Variants in IL15 observed in about 807,000 individuals in gnomAD.
IL15 encodes the protein interleukin-15.
In IL15, 11 loss-of-function variants were observed where a neutral mutation model predicts 19.6. That is an observed-to-expected ratio of 0.56 (90% CI 0.35 to 0.93). The LOEUF (loss-of-function observed/expected upper bound fraction) is 0.93. IL15 is among the 40% of genes least tolerant of loss of function. The pLI is 0.01. For synonymous variants in IL15, 58 were observed against 59.6 expected, an observed-to-expected ratio of 0.97 and a Z score of 0.12; for missense variants, 197 against 186.5, an observed-to-expected ratio of 1.06 and a Z score of -0.33.
rs550337744 is a variant in IL15, at chr4:141,641,041, TCTC to T, written c.-222+4296_-222+4298del. Among the ~76,000 whole-genome samples, 790 of 152,238 alleles carry T rather than the reference TCTC, an allele frequency of 5.2e-3. 14 individuals are homozygous for T. The highest frequency in any genetic ancestry group is 0.018 in the African/African-American group (765 of 41,536). On this transcript the variant is annotated intron_variant, in intron 1 of 7. Coordinates refer to ENST00000320650, the MANE Select transcript of IL15 (RefSeq NM_000585.5). The stretch of plus-strand genomic sequence containing the variant: ...GTCCCTTATATCACTGAATGCTACT[TCTC>T]CTTCCTGGGTATTTTGCTTATGTGC...
At chr4:141,675,669 A>G (rs1360213253) in intron 2 of IL15, among the ~76,000 whole-genome samples, 1 of 152,234 alleles carries the variant, frequency 6.6e-6, no homozygotes, top group Admixed American at 6.5e-5. Context: ...TGACATTACA[A>G]GAAAAAGTTG....
rs953565922 is a variant in IL15 at position 141,704,705 on chromosome 4, G to T, written c.-99-14661G>T. ...CTTTGATGATGGAAGACTTATTAGTGATAATAATAAATAATAATTTATATT... is the reference window on the plus strand; with the variant it reads ...CTTTGATGATGGAAGACTTATTAGTTATAATAATAAATAATAATTTATATT... On this transcript the variant is annotated intron_variant, in intron 2 of 7. Coordinates refer to ENST00000320650, the MANE Select transcript of IL15 (RefSeq NM_000585.5). The T allele has an allele frequency of 3.0e-5, 6 of 203,084 alleles. No individual in the cohort carries two copies. In the South Asian group the frequency reaches 4.7e-4, roughly 16 times the overall value. The allele number at this position is 203,084 out of a possible 1,614,324, so 12.6% of individuals were successfully genotyped here.
intron 1 of IL15, among the ~76,000 whole-genome samples, chr4:141,653,063 C>CA (rs1386447637): frequency 2.6e-5 from 4 of 151,944 alleles, no homozygotes; most frequent in Non-Finnish European, 5.9e-5. Context: ...AGACTGGTGT[C>CA]AAAAAATGGC....
At chr4:141,732,601 T>C in intron 7 of IL15, 137 bp from the exon 8 acceptor site, 4 of 1,115,024 alleles carry the variant, frequency 3.6e-6, no homozygotes, top group Non-Finnish European at 5.0e-6. Context: ...TTCTTCCTAA[T>C]ATGCTATTTA....
At chr4:141,706,623 G>A (rs750528986) in intron 2 of IL15, among the ~76,000 whole-genome samples, 10 of 151,742 alleles carry the variant, frequency 6.6e-5, no homozygotes, top group Non-Finnish European at 1.3e-4. Context: ...GATGAATCCC[G>A]TCAGTGTTTG....
chr4:141,720,916 T>C (rs1730052929), intron 4 of IL15: 1 of 553,918 alleles, frequency 1.8e-6, no homozygotes, highest in Non-Finnish European at 3.2e-6. Flanking sequence ...TTTTTATCTG[T>C]CCCTGACACT....
At position 141,699,958 on chromosome 4, in the gene IL15, G is replaced by A. The variant is rs116696512; in HGVS notation, c.-99-19408G>A. The stretch of plus-strand genomic sequence containing the variant: ...TTTGAGATGGAGTTACCCTCTTGTC[G>A]CACAGGCTGAGGTGCAATGGTGTGG... On this transcript the variant is annotated intron_variant, in intron 2 of 7. Coordinates refer to ENST00000320650, the MANE Select transcript of IL15 (RefSeq NM_000585.5). Among the ~76,000 whole-genome samples the A allele has an allele frequency of 9.3e-3, 1,420 of 152,028 alleles. 23 individuals carry two copies. Among genetic ancestry groups the A allele is most frequent in the African/African-American group, 0.032 (1,330 of 41,454 alleles).
chr4:141,654,378 A>T (rs1727516716), intron 1 of IL15, among the ~76,000 whole-genome samples: 1 of 152,222 alleles, frequency 6.6e-6, no homozygotes, highest in South Asian at 2.1e-4. Context: ...GTCAGCTGGA[A>T]CAATGAATTT....
chr4:141,679,298 G>A (rs1387519928), intron 2 of IL15, among the ~76,000 whole-genome samples: 5 of 152,110 alleles, frequency 3.3e-5, no homozygotes, highest in African/African-American at 9.7e-5. Flanking sequence ...GTATCCAAGA[G>A]GCTGGAAATA....
At chr4:141,682,723 G>A (rs1728572844) in intron 2 of IL15, among the ~76,000 whole-genome samples, 1 of 152,110 alleles carries the variant, frequency 6.6e-6, no homozygotes, top group African/African-American at 2.4e-5. Flanking sequence ...GGGGGAGGCC[G>A]AGGCGGGTGG....
At chr4:141,663,045 C>A (rs552057061) in intron 2 of IL15, among the ~76,000 whole-genome samples, 1 of 151,504 alleles carries the variant, frequency 6.6e-6, no homozygotes. Flanking sequence ...AAAAAAGTAA[C>A]TCATTAAAAA....
intron 2 of IL15, among the ~76,000 whole-genome samples, chr4:141,661,549 G>T (rs1205243241): frequency 6.6e-6 from 1 of 152,192 alleles, no homozygotes; most frequent in African/African-American, 2.4e-5. Context: ...GGCAGAGTCG[G>T]ATTCCTGCCT....
At chr4:141,643,374 A>G (rs1275852869) in intron 1 of IL15, among the ~76,000 whole-genome samples, 1 of 152,064 alleles carries the variant, frequency 6.6e-6, no homozygotes, top group Non-Finnish European at 1.5e-5. Flanking sequence ...AACCTTAACT[A>G]TATTCTCTGT....
intron 2 of IL15, among the ~76,000 whole-genome samples, chr4:141,695,272 C>CTTT (rs34115620): frequency 1.6e-5 from 1 of 62,586 alleles, no homozygotes; most frequent in South Asian, 8.7e-4. Context: ...TCTATGATAC[C>CTTT]TTTTTTTTTT....
intron 2 of IL15, among the ~76,000 whole-genome samples, chr4:141,686,605 A>G (rs1257982629): frequency 6.6e-6 from 1 of 152,180 alleles, no homozygotes; most frequent in African/African-American, 2.4e-5. Flanking sequence ...GTGAGCGTCA[A>G]ATTTAGTGCT....
chr4:141,710,343 C>T (rs1211238603), intron 2 of IL15, among the ~76,000 whole-genome samples: 1 of 152,182 alleles, frequency 6.6e-6, no homozygotes, highest in African/African-American at 2.4e-5. Context: ...TATCCATGTG[C>T]ATTATCCATT....
In IL15 at chr4:141,732,588, T is replaced by C. The variant is rs1011847561; in HGVS notation, c.379-150T>C. The C allele has an allele frequency of 9.0e-6, 9 of 1,003,578 alleles. No individual in the cohort carries two copies. In the African/African-American group the frequency reaches 1.5e-4, roughly 17 times the overall value. The allele number at this position is 1,003,578 out of a possible 1,614,324, so 62.2% of individuals were successfully genotyped here. On this transcript the variant is annotated intron_variant, in intron 7 of 7. Coordinates refer to ENST00000320650, the MANE Select transcript of IL15 (RefSeq NM_000585.5). ...CAAATCTCCCTGTTCTCTTTCCTCGTAGTTCTTCCTAATATGCTATTTATT... is the reference window on the plus strand; with the variant it reads ...CAAATCTCCCTGTTCTCTTTCCTCGCAGTTCTTCCTAATATGCTATTTATT...
chr4:141,683,765 G>A (rs1287217433), intron 2 of IL15, among the ~76,000 whole-genome samples: 1 of 152,134 alleles, frequency 6.6e-6, no homozygotes, highest in Non-Finnish European at 1.5e-5. Context: ...GTTATTTGAA[G>A]ATGGAGATGA....
intron 2 of IL15, among the ~76,000 whole-genome samples, chr4:141,686,185 C>T (rs2152174779): frequency 6.6e-6 from 1 of 152,152 alleles, no homozygotes; most frequent in East Asian, 1.9e-4. Context: ...ATCCCAGCTA[C>T]TCAGGAGGCT....
Sources: gnomAD v4.1 joint callset for allele counts (sites outside exome capture counted in the v4.1 genomes callset) on GRCh38, gnomAD v4.1.1 for gene constraint, MANE v1.5 for transcripts, NCBI Gene and HGNC (gene_info 2026-07-23, HGNC 2026-07-21) for gene names.